Variants in SPAG16 observed in about 807,000 individuals in gnomAD.
The protein encoded by SPAG16 is sperm associated antigen 16, also known as sperm-associated antigen 16 protein.
A neutral mutation model predicts 80.4 loss-of-function variants in SPAG16; 86 were observed. The observed-to-expected ratio is 1.07, with a 90% CI of 0.90 to 1.28. The LOEUF (loss-of-function observed/expected upper bound fraction) is 1.28. SPAG16 is among the 50% of genes most tolerant of loss of function. The pLI is 0.00. For synonymous variants in SPAG16, 294 were observed against 265.9 expected (o/e 1.11, Z -1.03); for missense variants, 870 against 765.3 (o/e 1.14, Z -1.61).
chr2:213,653,969 G>A (rs983083045), intron 10 of SPAG16, among the ~76,000 whole-genome samples: 2 of 151,902 alleles, frequency 1.3e-5, no homozygotes, highest in African/African-American at 4.8e-5. Context: ...ATTTTTAATA[G>A]CACTTTTGAA....
At chr2:214,392,108 C>T (rs1472085305) in intron 15 of SPAG16, among the ~76,000 whole-genome samples, 2 of 152,124 alleles carry the variant, frequency 1.3e-5, no homozygotes, top group Non-Finnish European at 2.9e-5. Flanking sequence ...CCTACAGATA[C>T]TAACATTTGA....
At chr2:213,572,970 C>T (rs560972299) in intron 10 of SPAG16, among the ~76,000 whole-genome samples, 23 of 152,162 alleles carry the variant, frequency 1.5e-4, no homozygotes, top group Non-Finnish European at 2.8e-4. Context: ...GTCTGAAAAG[C>T]GCAATATTCG....
intron 9 of SPAG16, among the ~76,000 whole-genome samples, chr2:213,436,923 T>C (rs755927225): frequency 6.6e-6 from 1 of 152,126 alleles, no homozygotes; most frequent in Non-Finnish European, 1.5e-5. Context: ...CTTTTTTTTT[T>C]TTCTTTGAGA....
intron 10 of SPAG16, among the ~76,000 whole-genome samples, chr2:213,697,271 A>G (rs551126256): frequency 4.2e-4 from 64 of 152,276 alleles, no homozygotes; most frequent in African/African-American, 1.5e-3. Context: ...AGGTATGAAT[A>G]CTCATTTTAC....
At chr2:214,292,946 G>A (rs1185164249) in intron 15 of SPAG16, among the ~76,000 whole-genome samples, 1 of 152,198 alleles carries the variant, frequency 6.6e-6, no homozygotes, top group East Asian at 1.9e-4. Context: ...TTCCTCGGTG[G>A]CTTAGGGCTT....
intron 12 of SPAG16, among the ~76,000 whole-genome samples, chr2:213,966,463 G>T (rs1575673163): frequency 1.3e-5 from 2 of 152,062 alleles, no homozygotes; most frequent in Non-Finnish European, 2.9e-5. Context: ...AAGAGGAGAA[G>T]CAAACTTTAT....
At chr2:213,670,389 T>A (rs1199289534) in intron 10 of SPAG16, among the ~76,000 whole-genome samples, 16 of 152,242 alleles carry the variant, frequency 1.1e-4, no homozygotes, top group South Asian at 6.2e-4. Flanking sequence ...TAATATTTTT[T>A]AAAAATACTA....
chr2:214,320,705 C>T (rs1255287172), intron 15 of SPAG16, among the ~76,000 whole-genome samples: 1 of 152,146 alleles, frequency 6.6e-6, no homozygotes, highest in African/African-American at 2.4e-5. Flanking sequence ...CTTGAGAACT[C>T]ACTCATTATC....
intron 14 of SPAG16, among the ~76,000 whole-genome samples, chr2:214,140,946 G>A (rs1559839217): frequency 8.0e-5 from 2 of 24,960 alleles, no homozygotes; most frequent in African/African-American, 1.4e-4. Flanking sequence ...GGGGGGGGGG[G>A]TGGGGGGTGG....
At chr2:213,800,775 T>C (rs1260474589) in intron 10 of SPAG16, among the ~76,000 whole-genome samples, 1 of 152,214 alleles carries the variant, frequency 6.6e-6, no homozygotes, top group African/African-American at 2.4e-5. Flanking sequence ...TGATGCTTTG[T>C]ATAAACATAA....
intron 10 of SPAG16, among the ~76,000 whole-genome samples, chr2:213,707,555 T>C (rs1161199111): frequency 6.6e-6 from 1 of 152,212 alleles, no homozygotes; most frequent in African/African-American, 2.4e-5. Context: ...TATTTTTTCA[T>C]TGTGTACCCT....
At chr2:214,398,110 G>GA (rs1473249102) in intron 15 of SPAG16, among the ~76,000 whole-genome samples, 1 of 152,164 alleles carries the variant, frequency 6.6e-6, no homozygotes, top group East Asian at 1.9e-4. Context: ...CCATGAGCCT[G>GA]AACCCAGACT....
chr2:214,171,094 A>G (rs1306152520), intron 15 of SPAG16, among the ~76,000 whole-genome samples: 6 of 151,892 alleles, frequency 4.0e-5, no homozygotes. Context: ...ACAAGATTAC[A>G]ATATTTTGTG....
intron 10 of SPAG16, among the ~76,000 whole-genome samples, chr2:213,649,663 C>T (rs1196976686): frequency 6.6e-6 from 1 of 152,188 alleles, no homozygotes; most frequent in Non-Finnish European, 1.5e-5. Context: ...CAGCCTCAAC[C>T]TTCTGAGCTC....
chr2:213,682,795 A>T (rs1187725123), intron 10 of SPAG16, among the ~76,000 whole-genome samples: 1 of 152,094 alleles, frequency 6.6e-6, no homozygotes, highest in East Asian at 1.9e-4. Flanking sequence ...GGTCATGCTG[A>T]CATTAGTCAT....
chr2:213,418,921 AT>A (rs1272556562), intron 9 of SPAG16, among the ~76,000 whole-genome samples: 1 of 152,138 alleles, frequency 6.6e-6, no homozygotes. Flanking sequence ...CAAATTACTG[AT>A]TGATTTATTT....
intron 10 of SPAG16, among the ~76,000 whole-genome samples, chr2:213,845,209 T>C (rs1362965395): frequency 6.6e-6 from 1 of 151,276 alleles, no homozygotes; most frequent in Non-Finnish European, 1.5e-5. Context: ...CTTTTTTTTT[T>C]TTTTTTGAGA....
intron 10 of SPAG16, among the ~76,000 whole-genome samples, chr2:213,768,517 T>C (rs2069068624): frequency 6.6e-6 from 1 of 152,166 alleles, no homozygotes; most frequent in Non-Finnish European, 1.5e-5. Context: ...GAATTTAATA[T>C]TTACGAGGAC....
chr2:213,744,657 T>A (rs756231888), intron 10 of SPAG16, among the ~76,000 whole-genome samples: 2 of 152,208 alleles, frequency 1.3e-5, no homozygotes, highest in African/African-American at 2.4e-5. Context: ...TTAGGAACTG[T>A]TTAATAATAA....
Sources: allele counts gnomAD v4.1 joint callset (sites outside exome capture counted in the v4.1 genomes callset), GRCh38; gene constraint gnomAD v4.1.1; transcripts MANE v1.5; gene names NCBI Gene and HGNC (gene_info 2026-07-23, HGNC 2026-07-21).